The following RYR2 variants were observed in gnomAD, a reference collection of about 807,000 sequenced individuals.
RYR2 encodes the protein cardiac muscle ryanodine receptor-calcium release channel.
Under a neutral mutation model 601.1 loss-of-function variants are expected in RYR2, and 227 were observed. The ratio of observed to expected loss-of-function variants is 0.38; its 90% CI spans 0.34 to 0.42. RYR2 has a LOEUF of 0.42. RYR2 is among the 10% of genes least tolerant of loss of function. The pLI is 1.00. For missense variants in RYR2, 4,646 were observed against 6,156.5 expected (o/e 0.75, Z 8.21); for synonymous variants, 2,223 against 2,175.1 (o/e 1.02, Z -0.61).
Position 237,348,166 on chromosome 1 carries a change from T to C in RYR2, c.274-7799T>C, listed in dbSNP as rs113417478. On this transcript the variant is annotated intron_variant, in intron 3 of 104. Transcript: ENST00000366574. The stretch of plus-strand genomic sequence containing the variant: ...CTGTTGGTGGTGACGTTTTTATTAT[T>C]ATTATTACGAGACAGGGTCTCATTG... 5.0e-3 allele frequency among the ~76,000 whole-genome samples: 766 copies of C among 152,270 alleles called. 6 individuals carry two copies. Among genetic ancestry groups the C allele is most frequent in the African/African-American group, 0.018 (741 of 41,558 alleles).
intron 103 of RYR2, 94 bp from the exon 104 acceptor site, chr1:237,831,420 A>C (rs996516469): frequency 9.7e-6 from 7 of 719,476 alleles, no homozygotes; most frequent in African/African-American, 3.6e-5. Flanking sequence ...TGCTGGCCAT[A>C]ATTGATTGCA....
intron 1 of RYR2, among the ~76,000 whole-genome samples, chr1:237,061,993 T>C (rs58822062): frequency 0.019 from 2,921 of 152,346 alleles, 89 homozygotes; most frequent in African/African-American, 0.065. Flanking sequence ...TTTAAAAGGC[T>C]ACCTTTTCAT....
intron 1 of RYR2, among the ~76,000 whole-genome samples, chr1:237,268,029 T>C (rs1429944959): frequency 6.6e-6 from 1 of 152,228 alleles, no homozygotes; most frequent in African/African-American, 2.4e-5. Flanking sequence ...GTAAAGACGG[T>C]GTGCCTTCTC....
chr1:237,199,689 C>G (rs908086069), intron 1 of RYR2, among the ~76,000 whole-genome samples: 1 of 152,144 alleles, frequency 6.6e-6, no homozygotes, highest in Non-Finnish European at 1.5e-5. Context: ...CAAGTTGACA[C>G]TCAATACTAA....
chr1:237,796,166 G>T lies in RYR2; in HGVS notation c.13956+835G>T, dbSNP rs886340008. ...GTGCATCTGAGGACACCCAAATTAG[G>T]CAAAAGCTGTGAAAGAATAATTTTA... On this transcript the variant is annotated intron_variant, in intron 96 of 104. Coordinates refer to ENST00000366574, the MANE Select transcript of RYR2 (RefSeq NM_001035.3). Among the ~76,000 whole-genome samples, 5 of 151,922 alleles carry T rather than the reference G, an allele frequency of 3.3e-5. No individual in the cohort carries two copies. In the East Asian group the frequency reaches 9.7e-4, roughly 29 times the overall value.
At chr1:237,223,030 T>A (rs1442694532) in intron 1 of RYR2, among the ~76,000 whole-genome samples, 1 of 151,962 alleles carries the variant, frequency 6.6e-6, no homozygotes, top group Non-Finnish European at 1.5e-5. Context: ...GATCATGCCA[T>A]TGCACTCCAG....
At chr1:237,825,667 G>A (rs1185479698) in intron 101 of RYR2, among the ~76,000 whole-genome samples, 2 of 152,110 alleles carry the variant, frequency 1.3e-5, no homozygotes, top group Non-Finnish European at 2.9e-5. Context: ...CTGACAAATG[G>A]GATCTAATTA....
At chr1:237,323,953 G>A (rs1018930094) in intron 2 of RYR2, among the ~76,000 whole-genome samples, 1 of 152,152 alleles carries the variant, frequency 6.6e-6, no homozygotes, top group African/African-American at 2.4e-5. Context: ...CTTCTTGGAG[G>A]CAATAATGTT....
chr1:237,185,127 A>C (rs1106159), intron 1 of RYR2, among the ~76,000 whole-genome samples: 2 of 151,776 alleles, frequency 1.3e-5, no homozygotes, highest in Admixed American at 6.5e-5. Context: ...CGGCCCCCCA[A>C]ATAGTTGGTA....
chr1:237,209,654 A>C (rs1328355252), intron 1 of RYR2, among the ~76,000 whole-genome samples: 1 of 151,784 alleles, frequency 6.6e-6, no homozygotes, highest in Non-Finnish European at 1.5e-5. Flanking sequence ...GGAGTTGGAG[A>C]CCAGGCTGGG....
chr1:237,116,434 C>A (rs1404060741), intron 1 of RYR2, among the ~76,000 whole-genome samples: 1 of 152,100 alleles, frequency 6.6e-6, no homozygotes, highest in Non-Finnish European at 1.5e-5. Flanking sequence ...ATAGGAGGTA[C>A]TCTTATATTA....
At chr1:237,582,695 G>A (rs186129854) in intron 29 of RYR2, among the ~76,000 whole-genome samples, 31 of 152,124 alleles carry the variant, frequency 2.0e-4, no homozygotes, top group Middle Eastern at 3.4e-3. Context: ...CTGTTCCTGG[G>A]TGCTAAGATA....
chr1:237,118,729 GAGT>G, intron 1 of RYR2, among the ~76,000 whole-genome samples: 1 of 152,014 alleles, frequency 6.6e-6, no homozygotes, highest in African/African-American at 2.4e-5. Context: ...TCAGCCTCCC[GAGT>G]AGCTGGGACT....
At chr1:237,069,086 G>A (rs979688655) in intron 1 of RYR2, among the ~76,000 whole-genome samples, 2 of 152,140 alleles carry the variant, frequency 1.3e-5, no homozygotes, top group Non-Finnish European at 2.9e-5. Context: ...ACTGTGAATT[G>A]TTTAAAAATG....
intron 24 of RYR2, among the ~76,000 whole-genome samples, chr1:237,524,790 G>A (rs1289579534): frequency 1.3e-5 from 2 of 151,234 alleles, no homozygotes; most frequent in African/African-American, 4.9e-5. Context: ...GCAGGGTGCT[G>A]GCAAAATTCC....
rs540308433 is a variant in RYR2 at position 237,643,315 on chromosome 1, T to G, written c.7222-12T>G. 2.5e-6 allele frequency: 4 copies of G among 1,607,332 alleles called. No individual in the cohort carries two copies. The highest frequency in any genetic ancestry group is 3.4e-6 in the Non-Finnish European group (4 of 1,176,656). Reference sequence around the variant, plus strand: ...ACAAAGTTGTTCTAATGTTTTTTTTTCCCCTGTATAGTTGATTCATGCCGG... The same window carrying G: ...ACAAAGTTGTTCTAATGTTTTTTTTGCCCCTGTATAGTTGATTCATGCCGG... On this transcript the variant is annotated splice_polypyrimidine_tract_variant and intron_variant, in intron 47 of 104. Coordinates refer to ENST00000366574, the MANE Select transcript of RYR2 (RefSeq NM_001035.3).
intron 2 of RYR2, among the ~76,000 whole-genome samples, chr1:237,314,024 CAAAAA>C (rs373360513): frequency 6.8e-5 from 3 of 43,890 alleles, no homozygotes; most frequent in Middle Eastern, 0.033. Flanking sequence ...AGAAACTCAG[CAAAAA>C]AAAAAAAAAA....
rs1400771522 is a variant in RYR2 at position 237,582,085 on chromosome 1, TTTTTTA to T, written c.3599-7697_3599-7692del. 2.0e-5 allele frequency among the ~76,000 whole-genome samples: 3 copies of T among 152,096 alleles called. No homozygotes were observed. The East Asian group carries it at 5.8e-4, about 29-fold the overall frequency. On this transcript the variant is annotated intron_variant, in intron 29 of 104. Transcript: ENST00000366574. ...TTACCTTCCCTCTCAGAGTTCTTTA[TTTTTTA>T]TTTTTATTTTATTTTTATTTTATTT... is the stretch of plus-strand genomic sequence containing the variant.
intron 3 of RYR2, among the ~76,000 whole-genome samples, chr1:237,340,758 G>A (rs1697699911): frequency 6.6e-6 from 1 of 152,158 alleles, no homozygotes; most frequent in African/African-American, 2.4e-5. Context: ...CCAGCATCTT[G>A]TCCAAAGCCT....
Sources: gnomAD v4.1 joint callset for allele counts (sites outside exome capture counted in the v4.1 genomes callset) on GRCh38, gnomAD v4.1.1 for gene constraint, MANE v1.5 for transcripts, NCBI Gene and HGNC (gene_info 2026-07-23, HGNC 2026-07-21) for gene names.